The following CSMD3 variants were observed in gnomAD, a reference collection of about 807,000 sequenced individuals.
CSMD3 encodes CUB and Sushi multiple domains 3.
In CSMD3, 177 loss-of-function variants were observed where a neutral mutation model predicts 435.2. The ratio of observed to expected loss-of-function variants is 0.41; its 90% CI spans 0.36 to 0.46. The LOEUF is 0.46. CSMD3 is among the 20% of genes least tolerant of loss of function. The pLI is 0.34. For synonymous variants in CSMD3, 1,656 were observed against 1,520.5 expected (o/e 1.09, Z -2.07); for missense variants, 4,265 against 4,504.6 (o/e 0.95, Z 1.52).
intron 68 of CSMD3, 71 bp downstream of exon 68, chr8:112,234,294 C>G (rs1482565668): frequency 8.2e-5 from 78 of 952,532 alleles, no homozygotes; most frequent in Non-Finnish European, 1.3e-4. Flanking sequence ...ATTTAGAAAA[C>G]TCTCCTTTCC....
At chr8:112,758,308 C>T (rs944447668) in intron 13 of CSMD3, among the ~76,000 whole-genome samples, 5 of 150,474 alleles carry the variant, frequency 3.3e-5, no homozygotes, top group African/African-American at 7.4e-5. Flanking sequence ...GCAGGGATCG[C>T]GCCACTGTAC....
intron 3 of CSMD3, among the ~76,000 whole-genome samples, chr8:113,212,278 G>C (rs2092845651): frequency 6.6e-6 from 1 of 152,010 alleles, no homozygotes; most frequent in Admixed American, 6.6e-5. Flanking sequence ...GCTGTGGTGA[G>C]GATAACCATA....
At chr8:112,663,743 A>G (rs1036878319) in intron 17 of CSMD3, among the ~76,000 whole-genome samples, 1 of 152,110 alleles carries the variant, frequency 6.6e-6, no homozygotes, top group African/African-American at 2.4e-5. Context: ...GTGTAGGCTT[A>G]TTCAATCTTA....
chr8:112,382,291 C>A (rs1352094900), intron 37 of CSMD3, among the ~76,000 whole-genome samples: 214 of 116,510 alleles, frequency 1.8e-3, no homozygotes, highest in South Asian at 3.0e-3. Flanking sequence ...CTCTAAAATG[C>A]AAAAAAAAAA....
Position 112,851,917 on chromosome 8 carries a change from C to A in CSMD3, c.1755+7228G>T, listed in dbSNP as rs191729036. 3.0e-3 allele frequency among the ~76,000 whole-genome samples: 457 copies of A among 152,060 alleles called. 2 individuals are homozygous for A. The highest frequency in any genetic ancestry group is 5.5e-3 in the Non-Finnish European group (371 of 67,980). ...ATCAGTTGTAAAATTTGAGAGGACA[C>A]CTATTAGATAAATGGCAACAAGTAG... is the stretch of plus-strand genomic sequence containing the variant. On this transcript the variant is annotated intron_variant, in intron 11 of 70. Transcript: ENST00000297405.
Position 112,556,874 on chromosome 8 carries a change from TACCAGCA to T in CSMD3, c.4116_4122del (p.Phe1372LeufsTer23). 1 of 1,611,334 alleles carries T rather than the reference TACCAGCA, an allele frequency of 6.2e-7. No individual in the cohort carries two copies. Among genetic ancestry groups the T allele is most frequent in the Non-Finnish European group, 8.5e-7 (1 of 1,177,932 alleles). ...GGATTGCATCCATAAATGATGGTGC[TACCAGCA>T]AAGTGGCCTTGGTCACTGATCTTGT... On this transcript the variant is annotated frameshift_variant, in exon 25 of 71. Transcript: ENST00000297405. LOFTEE classifies it high-confidence loss of function.
chr8:113,191,569 A>C (rs140425467), intron 3 of CSMD3, among the ~76,000 whole-genome samples: 274 of 151,688 alleles, frequency 1.8e-3, no homozygotes, highest in African/African-American at 3.9e-3. Context: ...TTGCCAAAAA[A>C]AAAACAAAAC....
intron 24 of CSMD3, among the ~76,000 whole-genome samples, chr8:112,568,743 T>C (rs2131281310): frequency 6.6e-6 from 1 of 152,170 alleles, no homozygotes; most frequent in East Asian, 1.9e-4. Flanking sequence ...TAATCATGAG[T>C]CAGCCAAATA....
At chr8:112,771,443 G>A (rs184608840) in intron 13 of CSMD3, among the ~76,000 whole-genome samples, 15 of 152,164 alleles carry the variant, frequency 9.9e-5, no homozygotes, top group Non-Finnish European at 1.9e-4. Context: ...GGAGGCTGAG[G>A]CACATAAATC....
chr8:112,492,728 T>C, intron 30 of CSMD3, 45 bp from the exon 31 acceptor site: 1 of 1,475,552 alleles, frequency 6.8e-7, no homozygotes, highest in Non-Finnish European at 9.5e-7. Context: ...TAAAATACAG[T>C]TGGCACTCCG....
intron 3 of CSMD3, among the ~76,000 whole-genome samples, chr8:113,214,800 G>A (rs1488736243): frequency 2.0e-5 from 3 of 151,710 alleles, no homozygotes; most frequent in Non-Finnish European, 4.4e-5. Flanking sequence ...ACAATAAAAT[G>A]TTATTCAACC....
intron 59 of CSMD3, among the ~76,000 whole-genome samples, chr8:112,278,648 C>T (rs1475409832): frequency 6.6e-6 from 1 of 152,100 alleles, no homozygotes; most frequent in Admixed American, 6.6e-5. Flanking sequence ...TATGCTTATC[C>T]AATGCTTGCC....
intron 3 of CSMD3, among the ~76,000 whole-genome samples, chr8:113,201,899 T>C (rs2092719627): frequency 6.6e-6 from 1 of 152,096 alleles, no homozygotes; most frequent in Admixed American, 6.6e-5. Flanking sequence ...AGGATTGCTT[T>C]TATTTTATAA....
intron 3 of CSMD3, among the ~76,000 whole-genome samples, chr8:113,236,037 G>A (rs2132216462): frequency 6.6e-6 from 1 of 152,258 alleles, no homozygotes; most frequent in Non-Finnish European, 1.5e-5. Flanking sequence ...GGGGGCTAGA[G>A]ACTTCCCTGG....
chr8:113,127,585 C>G (rs547226862), intron 4 of CSMD3, among the ~76,000 whole-genome samples: 10 of 152,162 alleles, frequency 6.6e-5, no homozygotes, highest in African/African-American at 2.2e-4. Flanking sequence ...AATATGCCAA[C>G]TTCTCCACAT....
At chr8:112,984,928 C>A (rs930213194) in intron 6 of CSMD3, among the ~76,000 whole-genome samples, 1 of 151,910 alleles carries the variant, frequency 6.6e-6, no homozygotes, top group African/African-American at 2.4e-5. Context: ...CTTCTCTTTA[C>A]CTCATCCTTG....
At chr8:113,337,530 T>A (rs2094085611) in intron 1 of CSMD3, among the ~76,000 whole-genome samples, 1 of 152,112 alleles carries the variant, frequency 6.6e-6, no homozygotes. Flanking sequence ...ATTATTAAAA[T>A]CTTAGAAAAA....
At position 113,160,567 on chromosome 8, in the gene CSMD3, G is replaced by A. The variant is rs190882088; in HGVS notation, c.709+13155C>T. 3.0e-3 allele frequency among the ~76,000 whole-genome samples: 461 copies of A among 152,002 alleles called. 1 individual carries two copies. Among genetic ancestry groups the A allele is most frequent in the African/African-American group, 0.011 (438 of 41,522 alleles). Reference sequence around the variant, plus strand: ...AAAGAATTCTAACTTTTGATAGTTGGTAGAATGTCATTGTATAAAACAAAC... The same window carrying A: ...AAAGAATTCTAACTTTTGATAGTTGATAGAATGTCATTGTATAAAACAAAC... On this transcript the variant is annotated intron_variant, in intron 4 of 70. Transcript: ENST00000297405.
intron 4 of CSMD3, among the ~76,000 whole-genome samples, chr8:113,143,644 T>C (rs1316673269): frequency 1.3e-5 from 2 of 151,364 alleles, no homozygotes; most frequent in African/African-American, 2.4e-5. Flanking sequence ...TATTGATACA[T>C]GCAAAAATTT....
Sources: gnomAD v4.1 joint callset for allele counts (sites outside exome capture counted in the v4.1 genomes callset) on GRCh38, gnomAD v4.1.1 for gene constraint, MANE v1.5 for transcripts, NCBI Gene and HGNC (gene_info 2026-07-23, HGNC 2026-07-21) for gene names.